Variants in SLC38A6 observed in about 807,000 individuals in gnomAD.
SLC38A6 encodes the protein N system amino acid transporter NAT-1.
In SLC38A6, 73 loss-of-function variants were observed where a neutral mutation model predicts 65.0. The observed-to-expected ratio is 1.12, with a 90% CI of 0.93 to 1.37. The LOEUF is 1.37. Ranked by LOEUF, SLC38A6 falls within the 40% of genes most tolerant of loss-of-function variation. The pLI is 0.00. For synonymous variants in SLC38A6, 183 were observed against 178.8 expected, an observed-to-expected ratio of 1.02 and a Z score of -0.19; for missense variants, 561 against 531.1, an observed-to-expected ratio of 1.06 and a Z score of -0.55.
chr14:61,018,090 T>TA (rs1408319802), intron 4 of SLC38A6, among the ~76,000 whole-genome samples: 1 of 152,130 alleles, frequency 6.6e-6, no homozygotes, highest in Non-Finnish European at 1.5e-5. Flanking sequence ...GGCAGGTGGG[T>TA]AGATAGATAG....
intron 3 of SLC38A6, among the ~76,000 whole-genome samples, chr14:61,005,781 C>T (rs1412426629): frequency 6.6e-6 from 1 of 151,968 alleles, no homozygotes; most frequent in East Asian, 1.9e-4. Context: ...AGATTCAATG[C>T]CATCCCCATC....
intron 3 of SLC38A6, among the ~76,000 whole-genome samples, chr14:61,015,527 A>ATATTG (rs2039944646): frequency 6.6e-6 from 1 of 151,772 alleles, no homozygotes; most frequent in African/African-American, 2.4e-5. Flanking sequence ...GAAATGAGAT[A>ATATTG]GAGAAACATA....
Position 61,028,163 on chromosome 14 carries a change from A to C in SLC38A6, c.404-2282A>C, listed in dbSNP as rs2040716331. On this transcript the variant is annotated intron_variant, in intron 5 of 15. Transcript: ENST00000267488. ...ATGACAGATATTATATTAGAAAGAA[A>C]TAGGATCTCATATTCACTGAAGCTT... Among the ~76,000 whole-genome samples the C allele has an allele frequency of 2.0e-5, 3 of 152,128 alleles. No individual in the cohort carries two copies. The South Asian group carries it at 6.2e-4, about 32-fold the overall frequency.
At chr14:61,083,151 CT>C (rs1221029814) in intron 16 of SLC38A6, among the ~76,000 whole-genome samples, 2 of 152,206 alleles carry the variant, frequency 1.3e-5, no homozygotes, top group Non-Finnish European at 1.5e-5. Context: ...TCCCTTGCCC[CT>C]GGCTTCCTGT....
rs377548474 is a variant in SLC38A6 at position 60,984,863 on chromosome 14, A to G, written c.310+60A>G. On this transcript the variant is annotated intron_variant, in intron 3 of 15. Coordinates refer to ENST00000267488, the MANE Select transcript of SLC38A6 (RefSeq NM_153811.3). ...AGGAGTCTCTTGAGTTTGTATCTAC[A>G]TATAGAACTGGATGTCTCAAATCTA... 14 of 1,464,104 alleles carry G rather than the reference A, an allele frequency of 9.6e-6. No individual in the cohort carries two copies. In the African/African-American group the frequency reaches 1.1e-4, roughly 12 times the overall value. The allele number at this position is 1,464,104 out of a possible 1,614,324, so 90.7% of individuals were successfully genotyped here. A position where few individuals can be genotyped will look rare whatever the true frequency, so the allele number is the denominator to read the frequency against.
rs1440903345 is a variant in SLC38A6, at chr14:61,052,603, A to G, written c.*174A>G. 3.5e-6 allele frequency: 3 copies of G among 853,766 alleles called. No homozygotes were observed. The highest frequency in any genetic ancestry group is 4.7e-6 in the Non-Finnish European group (3 of 634,720). The allele number at this position is 853,766 out of a possible 1,614,324, so 52.9% of individuals were successfully genotyped here. On this transcript the variant is annotated 3_prime_UTR_variant, in exon 16 of 16. Coordinates refer to ENST00000267488, the MANE Select transcript of SLC38A6 (RefSeq NM_153811.3). ...AAGAGTGTGGCAGTTTTAATCAAAA[A>G]AAGAAACAAACTCGAAATGCTCTTA...
chr14:61,015,842 C>A, intron 3 of SLC38A6, 62 bp from the exon 4 acceptor site: 2 of 1,377,178 alleles, frequency 1.5e-6, no homozygotes, highest in South Asian at 2.6e-5. Flanking sequence ...CTGCTCTTCT[C>A]TTTAGGACCT....
chr14:61,068,980 A>G (rs188087300), intron 15 of SLC38A6, among the ~76,000 whole-genome samples: 2 of 152,108 alleles, frequency 1.3e-5, no homozygotes, highest in East Asian at 3.9e-4. Flanking sequence ...CCAGACTCCT[A>G]TCTAAATCTC....
chr14:61,030,538 T>C lies in SLC38A6; in HGVS notation c.482+15T>C, dbSNP rs1460276131. ...GACTATAGTAGGTAAGAAAAAGTAT[T>C]TTACATTGTGTCCGTTCATGTATTA... On this transcript the variant is annotated intron_variant, in intron 6 of 15. Transcript: ENST00000267488. The C allele has an allele frequency of 6.5e-7, 1 of 1,549,178 alleles. No homozygotes were observed. The highest frequency in any genetic ancestry group is 1.7e-5 in the Admixed American group (1 of 57,458).
At chr14:61,053,235 T>C (rs1395780892), downstream of SLC38A6, among the ~76,000 whole-genome samples, 1 of 151,944 alleles carries the variant, frequency 6.6e-6, no homozygotes. Context: ...TAGTATTCCA[T>C]GATATATATA....
At chr14:61,046,848 A>G (rs557040046) in intron 12 of SLC38A6, among the ~76,000 whole-genome samples, 84 of 152,276 alleles carry the variant, frequency 5.5e-4, no homozygotes, top group African/African-American at 1.9e-3. Flanking sequence ...GAAAAGCATT[A>G]TTTCCAATGT....
intron 4 of SLC38A6, among the ~76,000 whole-genome samples, chr14:61,018,220 A>G (rs1439667811): frequency 6.6e-6 from 1 of 152,232 alleles, no homozygotes; most frequent in African/African-American, 2.4e-5. Context: ...ACCAAATTTC[A>G]TGTATACCTA....
At chr14:61,042,062 T>C (rs2041849803) in intron 8 of SLC38A6, among the ~76,000 whole-genome samples, 3 of 152,208 alleles carry the variant, frequency 2.0e-5, no homozygotes, top group Admixed American at 2.0e-4. Context: ...GTTGACCGTT[T>C]CATTTTATGT....
At chr14:61,020,106 C>T (rs952743695) in intron 5 of SLC38A6, among the ~76,000 whole-genome samples, 51 of 152,094 alleles carry the variant, frequency 3.4e-4, no homozygotes, top group Non-Finnish European at 1.6e-4. Context: ...TATTAATAAC[C>T]AATTCTAGAA....
intron 3 of SLC38A6, among the ~76,000 whole-genome samples, chr14:61,014,457 G>A (rs536467988): frequency 6.6e-6 from 1 of 152,272 alleles, no homozygotes; most frequent in Admixed American, 6.5e-5. Context: ...GAACAGAGGT[G>A]CTCTGATTTT....
rs545429708 is a variant in SLC38A6 at position 61,066,429 on chromosome 14, G to A, written c.1291-12381G>A. Among the ~76,000 whole-genome samples the A allele has an allele frequency of 2.0e-5, 3 of 152,240 alleles. No homozygotes were observed. In the East Asian group the frequency reaches 5.8e-4, roughly 29 times the overall value. ...AACAGGAAGACTCATCTTGGCTGAT[G>A]GCCAGGTGGGCAGGTGGGAATAAGA... On this transcript the variant is annotated intron_variant, in intron 15 of 16. Coordinates refer to the SLC38A6 transcript ENST00000354886.
intron 15 of SLC38A6, among the ~76,000 whole-genome samples, chr14:61,072,388 A>G (rs1006474056): frequency 1.1e-4 from 16 of 152,232 alleles, no homozygotes; most frequent in African/African-American, 2.2e-4. Context: ...AAACAATCCA[A>G]TTATACTTAG....
chr14:61,025,419 G>A (rs1433987031), intron 5 of SLC38A6, among the ~76,000 whole-genome samples: 1 of 152,012 alleles, frequency 6.6e-6, no homozygotes, highest in African/African-American at 2.4e-5. Context: ...CAGATACATC[G>A]CCATCTGCTG....
chr14:61,030,728 T>A (rs2040929915), intron 6 of SLC38A6: 1 of 437,012 alleles, frequency 2.3e-6, no homozygotes, highest in Non-Finnish European at 4.1e-6. Flanking sequence ...AGCGCTGTTC[T>A]GTGAACCATA....
Sources: allele counts gnomAD v4.1 joint callset (sites outside exome capture counted in the v4.1 genomes callset), GRCh38; gene constraint gnomAD v4.1.1; transcripts MANE v1.5; gene names NCBI Gene and HGNC (gene_info 2026-07-23, HGNC 2026-07-21).